BMF: variants seen among roughly 807,000 people sequenced by gnomAD.
BMF encodes the protein Bcl2 modifying factor.
A neutral mutation model predicts 22.0 loss-of-function variants in BMF; 10 were observed. The ratio of observed to expected loss-of-function variants is 0.45; its 90% CI spans 0.28 to 0.77. The LOEUF (loss-of-function observed/expected upper bound fraction) is 0.77. BMF is among the 30% of genes least tolerant of loss of function. The probability of loss-of-function intolerance (pLI) is 0.13; values close to 1 mark genes in which losing one functional copy is unlikely to be tolerated. For synonymous variants in BMF, 87 were observed against 88.1 expected (o/e 0.99, Z 0.07); for missense variants, 206 against 226.8 (o/e 0.91, Z 0.59).
chr15:40,095,814 C>G (rs1459963242), intron 4 of BMF, among the ~76,000 whole-genome samples: 1 of 152,206 alleles, frequency 6.6e-6, no homozygotes, highest in Non-Finnish European at 1.5e-5. Flanking sequence ...AGAGCACAAG[C>G]AGGCATCAGA....
intron 4 of BMF, among the ~76,000 whole-genome samples, chr15:40,100,937 C>T (rs1427855920): frequency 2.0e-5 from 3 of 152,174 alleles, no homozygotes; most frequent in Admixed American, 2.0e-4. Flanking sequence ...GGACCAGTGG[C>T]CACTGTCTAG....
rs76511640 is a variant in BMF, at chr15:40,091,898, GAAA to G, written c.454-13_454-11del. ...TTTGGTTCTGCTGGTGCTGAAGGGAGAAAAAAAAAAAAGACCAACATAACTCCC... is the reference window on the plus strand; with the variant it reads ...TTTGGTTCTGCTGGTGCTGAAGGGAGAAAAAAAAAGACCAACATAACTCCC... On this transcript the variant is annotated splice_polypyrimidine_tract_variant and intron_variant, in intron 4 of 4. Coordinates refer to ENST00000354670, the MANE Select transcript of BMF (RefSeq NM_001003940.2). 1.5e-5 allele frequency: 18 copies of G among 1,232,846 alleles called. No individual in the cohort carries two copies. The highest frequency in any genetic ancestry group is 1.7e-5 in the Non-Finnish European group (15 of 899,610). 76.4% of individuals were successfully genotyped at this position (1,232,846 alleles called of 1,614,324 possible).
rs3222153 is a variant in BMF, at chr15:40,108,251, C to CACACACACACACACACACACACACA, written c.-6+7_-6+8insTGTGTGTGTGTGTGTGTGTGTGTGT. On this transcript the variant is annotated splice_region_variant and intron_variant, in intron 2 of 4. Coordinates refer to ENST00000354670, the MANE Select transcript of BMF (RefSeq NM_001003940.2). ...ACACACACACACACACACACACACACCCCAGACCTGGGTGACTCCAGGAGA... is the reference window on the plus strand; with the variant it reads ...ACACACACACACACACACACACACACACACACACACACACACACACACACACCCAGACCTGGGTGACTCCAGGAGA... 1 of 151,478 alleles carries CACACACACACACACACACACACACA rather than the reference C, an allele frequency of 6.6e-6. No individual in the cohort carries two copies. The highest frequency in any genetic ancestry group is 2.5e-5 in the African/African-American group (1 of 40,400). 9.4% of individuals were successfully genotyped at this position (151,478 alleles called of 1,614,324 possible). A position where few individuals can be genotyped will look rare whatever the true frequency, so the allele number is the denominator to read the frequency against.
At position 40,106,521 on chromosome 15, in the gene BMF, C is replaced by CACACACACACACAT; in HGVS notation, c.-5-431_-5-430insATGTGTGTGTGTGT. ...GGCTATACATACAGTGCTCACAACA[C>CACACACACACACAT]ACACACACACACACACACACACACA... On this transcript the variant is annotated intron_variant, in intron 2 of 4. Transcript: ENST00000354670. The surrounding 1 kb of genome is among the most constrained non-coding windows in gnomAD (Gnocchi z 4.1). The CACACACACACACAT allele has an allele frequency of 7.5e-6, 1 of 133,536 alleles. No individual in the cohort carries two copies. 8.3% of individuals were successfully genotyped at this position (133,536 alleles called of 1,614,324 possible). A position where few individuals can be genotyped will look rare whatever the true frequency, so the allele number is the denominator to read the frequency against.
chr15:40,089,801 A>G lies in BMF; in HGVS notation c.*1986T>C, dbSNP rs1045340818. The G allele has an allele frequency of 4.6e-5, 7 of 152,312 alleles. No homozygotes were observed. The highest frequency in any genetic ancestry group is 1.7e-4 in the African/African-American group (7 of 41,452). The allele number at this position is 152,312 out of a possible 1,614,324, so 9.4% of individuals were successfully genotyped here. ...GGAGAACAACGTATGTCCCATACAC[A>G]TCATAAAATGGTATGGAGACCCACA... is the stretch of plus-strand genomic sequence containing the variant. On this transcript the variant is annotated 3_prime_UTR_variant, in exon 5 of 5. Transcript: ENST00000354670.
intron 4 of BMF, among the ~76,000 whole-genome samples, chr15:40,093,787 G>A (rs1340647510): frequency 1.3e-5 from 2 of 152,194 alleles, no homozygotes; most frequent in African/African-American, 4.8e-5. Context: ...GGGGTGGGGA[G>A]GTGCCAGGCT....
At chr15:40,097,669 C>A (rs568652) in intron 4 of BMF, among the ~76,000 whole-genome samples, 49,265 of 152,078 alleles carry the variant, frequency 0.32, 8,223 homozygotes, top group Middle Eastern at 0.46. Context: ...GTCTAAAAGT[C>A]CAAGGTTGCT....
At chr15:40,107,607 C>CT (rs1039896951) in intron 2 of BMF, among the ~76,000 whole-genome samples, 2 of 150,632 alleles carry the variant, frequency 1.3e-5, no homozygotes, top group African/African-American at 4.9e-5. Flanking sequence ...TGCACTCCAG[C>CT]TTATTAACAA....
rs1567035432 is a variant in BMF at position 40,104,309 on chromosome 15, GGCA to G, written c.321_323del (p.Ala108del). 1 of 1,614,224 alleles carries G rather than the reference GGCA, an allele frequency of 6.2e-7. No homozygotes were observed. The highest frequency in any genetic ancestry group is 1.1e-5 in the South Asian group (1 of 91,084). On this transcript the variant is annotated inframe_deletion, in exon 4 of 5. Transcript: ENST00000354670. ...CAATGGGCAAGACTGCTGGGAAACTGGCAGGGAGAGGAAGCCGATAGCCAGCAT... is the reference window on the plus strand; with the variant it reads ...CAATGGGCAAGACTGCTGGGAAACTGGGGAGAGGAAGCCGATAGCCAGCAT...
At position 40,089,532 on chromosome 15, in the gene BMF, G is replaced by C. The variant is rs1405906909; in HGVS notation, c.*2255C>G. ...TGCCCCAGGCTTGATGTTGAGGTGG[G>C]TTTGTCAAAGTCTGGGCTCAGTTCT... On this transcript the variant is annotated 3_prime_UTR_variant, in exon 5 of 5. Coordinates refer to ENST00000354670, the MANE Select transcript of BMF (RefSeq NM_001003940.2). The C allele has an allele frequency of 6.6e-6, 1 of 152,220 alleles. No homozygotes were observed. Among genetic ancestry groups the C allele is most frequent in the Non-Finnish European group, 1.5e-5 (1 of 68,048 alleles). 9.4% of individuals were successfully genotyped at this position (152,220 alleles called of 1,614,324 possible).
rs145451099 is a variant in BMF at position 40,090,038 on chromosome 15, C to G, written c.*1749G>C. ...TACATGCACAGTTTGAGGCCCTTCTCCTCCAGGGTGCTGTGAGCCCATATG... is the reference window on the plus strand; with the variant it reads ...TACATGCACAGTTTGAGGCCCTTCTGCTCCAGGGTGCTGTGAGCCCATATG... On this transcript the variant is annotated 3_prime_UTR_variant, in exon 5 of 5. Coordinates refer to ENST00000354670, the MANE Select transcript of BMF (RefSeq NM_001003940.2). 3.3e-5 allele frequency: 5 copies of G among 152,704 alleles called. No individual in the cohort carries two copies. The highest frequency in any genetic ancestry group is 3.4e-3 in the Middle Eastern group (1 of 294). 9.5% of individuals were successfully genotyped at this position (152,704 alleles called of 1,614,324 possible).
At chr15:40,104,035 C>A in intron 4 of BMF, 145 bp downstream of exon 4, 1 of 1,061,506 alleles carries the variant, frequency 9.4e-7, no homozygotes, top group Non-Finnish European at 1.4e-6. Flanking sequence ...GCCCCTCCTG[C>A]CCATGGGAAC....
At chr15:40,101,793 CAAG>C (rs969557391) in intron 4 of BMF, among the ~76,000 whole-genome samples, 4 of 152,114 alleles carry the variant, frequency 2.6e-5, no homozygotes, top group African/African-American at 9.7e-5. Context: ...GGGTTAAAAG[CAAG>C]AAGACTCTGG....
chr15:40,102,626 G>A (rs1319864341), intron 4 of BMF, among the ~76,000 whole-genome samples: 1 of 152,064 alleles, frequency 6.6e-6, no homozygotes, highest in Non-Finnish European at 1.5e-5. Context: ...TCAGATTATT[G>A]CAAATGAAGC....
rs140038828 is a variant in BMF, at chr15:40,091,527, G to A, written c.*260C>T. On this transcript the variant is annotated 3_prime_UTR_variant, in exon 5 of 5. Coordinates refer to ENST00000354670, the MANE Select transcript of BMF (RefSeq NM_001003940.2). The stretch of plus-strand genomic sequence containing the variant: ...AGAATCTACTTGTCAGAGCCCTTGG[G>A]AATTCTCACCATCACAGACACATCA... 3 of 383,698 alleles carry A rather than the reference G, an allele frequency of 7.8e-6. No individual in the cohort carries two copies. Among genetic ancestry groups the A allele is most frequent in the Non-Finnish European group, 1.4e-5 (3 of 213,364 alleles). 23.8% of individuals were successfully genotyped at this position (383,698 alleles called of 1,614,324 possible).
At chr15:40,107,339 T>C (rs553124335) in intron 2 of BMF, among the ~76,000 whole-genome samples, 123 of 152,284 alleles carry the variant, frequency 8.1e-4, no homozygotes, top group African/African-American at 2.6e-3. Flanking sequence ...GCTAAAAGAA[T>C]CTCAGTTCAA....
intron 4 of BMF, among the ~76,000 whole-genome samples, chr15:40,102,472 C>G (rs1347984894): frequency 6.6e-6 from 1 of 151,796 alleles, no homozygotes; most frequent in Non-Finnish European, 1.5e-5. Context: ...GGGCCTCCTC[C>G]TCCTCCTGTT....
chr15:40,097,185 TACCAAGCACCCAACTGAG>T (rs2036380439), intron 4 of BMF, among the ~76,000 whole-genome samples: 1 of 1,858 alleles, frequency 5.4e-4, no homozygotes. Flanking sequence ...CCAACTGAGC[TACCAAGCACCCAACTGAG>T]CTACCAAGCA....
chr15:40,101,951 T>C (rs942784673), intron 4 of BMF, among the ~76,000 whole-genome samples: 6 of 152,002 alleles, frequency 3.9e-5, no homozygotes, highest in African/African-American at 1.2e-4. Flanking sequence ...AGGGTAGGGG[T>C]ACAGGAAACC....
Sources: gnomAD v4.1 joint callset for allele counts (sites outside exome capture counted in the v4.1 genomes callset) on GRCh38, gnomAD v4.1.1 for gene constraint, Gnocchi (gnomAD v3.1) non-coding constraint, MANE v1.5 for transcripts, NCBI Gene and HGNC (gene_info 2026-07-23, HGNC 2026-07-21) for gene names.